The following ELOVL5 variants were observed in gnomAD, a reference collection of about 807,000 sequenced individuals.
ELOVL5 encodes very long chain fatty acid elongase 5.
Under a neutral mutation model 38.6 loss-of-function variants are expected in ELOVL5, and 8 were observed. The ratio of observed to expected loss-of-function variants is 0.21; its 90% CI spans 0.12 to 0.37. The LOEUF (loss-of-function observed/expected upper bound fraction) is 0.37, where lower values mean the gene tolerates loss of function less well. Ranked by LOEUF, ELOVL5 falls within the 10% of genes least tolerant of loss-of-function variation. The pLI is 1.00. For synonymous variants in ELOVL5, 127 were observed against 133.7 expected (o/e 0.95, Z 0.34); for missense variants, 280 against 367.8 (o/e 0.76, Z 1.95).
chr6:53,319,756 G>A (rs961267036), intron 1 of ELOVL5, among the ~76,000 whole-genome samples: 2 of 152,096 alleles, frequency 1.3e-5, no homozygotes, highest in Non-Finnish European at 2.9e-5. Context: ...GTGCTGGTTC[G>A]GTATAATGAG....
At chr6:53,297,222 C>T (rs1347554146) in intron 1 of ELOVL5, among the ~76,000 whole-genome samples, 1 of 152,166 alleles carries the variant, frequency 6.6e-6, no homozygotes, top group Non-Finnish European at 1.5e-5. Flanking sequence ...ACCTTTGCCC[C>T]TCAATAGTTA....
chr6:53,332,739 T>G (rs1161542029), intron 1 of ELOVL5, among the ~76,000 whole-genome samples: 4 of 152,216 alleles, frequency 2.6e-5, no homozygotes, highest in African/African-American at 9.6e-5. Context: ...AACTTTCCAT[T>G]TGCCTACCAT....
At chr6:53,303,016 C>G in intron 1 of ELOVL5, among the ~76,000 whole-genome samples, 1 of 152,170 alleles carries the variant, frequency 6.6e-6, no homozygotes. Context: ...CCATCCATCA[C>G]TTTTATCAGT....
chr6:53,346,565 G>A (rs1322388886), intron 1 of ELOVL5, among the ~76,000 whole-genome samples: 1 of 151,906 alleles, frequency 6.6e-6, no homozygotes. Flanking sequence ...TTAGCCTTTT[G>A]ATAACAGAAG....
intron 1 of ELOVL5, among the ~76,000 whole-genome samples, chr6:53,304,517 G>C (rs1581954462): frequency 6.6e-6 from 1 of 152,124 alleles, no homozygotes; most frequent in African/African-American, 2.4e-5. Flanking sequence ...AGGGTCATAG[G>C]ACAACAGCGG....
chr6:53,347,074 G>T (rs538125325), intron 1 of ELOVL5, among the ~76,000 whole-genome samples: 41 of 152,300 alleles, frequency 2.7e-4, no homozygotes, highest in Non-Finnish European at 1.2e-4. Flanking sequence ...GAAGTTACAA[G>T]ATATTTTTCT....
chr6:53,329,187 T>C (rs1045170546), intron 1 of ELOVL5, among the ~76,000 whole-genome samples: 4 of 130,480 alleles, frequency 3.1e-5, no homozygotes, highest in Non-Finnish European at 4.8e-5. Context: ...AACTAACTAC[T>C]ACTACTACTA....
chr6:53,332,964 A>G (rs1768872893), intron 1 of ELOVL5, among the ~76,000 whole-genome samples: 1 of 152,230 alleles, frequency 6.6e-6, no homozygotes, highest in Non-Finnish European at 1.5e-5. Context: ...TGGCTGAAGG[A>G]AGAAAAGCAG....
intron 1 of ELOVL5, among the ~76,000 whole-genome samples, chr6:53,309,649 A>G (rs977865790): frequency 1.6e-4 from 25 of 152,180 alleles, no homozygotes; most frequent in Non-Finnish European, 2.9e-5. Flanking sequence ...AAGGGATGGT[A>G]TGTCGCTTCT....
chr6:53,287,958 T>C (rs1213580750), intron 3 of ELOVL5: 1 of 1,534,300 alleles, frequency 6.5e-7, no homozygotes, highest in Non-Finnish European at 8.7e-7. Context: ...ACAAACACAA[T>C]TAGATCCTCT....
intron 1 of ELOVL5, among the ~76,000 whole-genome samples, chr6:53,296,226 GC>G (rs571826141): frequency 1.0e-3 from 154 of 151,834 alleles, no homozygotes; most frequent in African/African-American, 3.5e-3. Flanking sequence ...AAAAAAAGGG[GC>G]AAAAATCTCA....
rs1315954161 is a variant in ELOVL5, at chr6:53,278,558, C to A, written c.247-2302G>T. ...CACCCATAAATGGGGCAGGGGAATC[C>A]ATGTATAAAACACCTGTTGTCTTTG... is the stretch of plus-strand genomic sequence containing the variant. On this transcript the variant is annotated intron_variant, in intron 3 of 7. Transcript: ENST00000304434. Among the ~76,000 whole-genome samples, 7 of 152,254 alleles carry A rather than the reference C, an allele frequency of 4.6e-5. No homozygotes were observed. In the East Asian group the frequency reaches 9.6e-4, roughly 21 times the overall value.
chr6:53,269,375 A>G, intron 7 of ELOVL5, 105 bp from the exon 8 acceptor site: 1 of 840,636 alleles, frequency 1.2e-6, no homozygotes, highest in South Asian at 2.8e-5. Flanking sequence ...TCAAGATCAA[A>G]TCTTATCAAG....
chr6:53,335,861 G>A (rs750254788), intron 1 of ELOVL5, among the ~76,000 whole-genome samples: 7 of 152,228 alleles, frequency 4.6e-5, no homozygotes, highest in Admixed American at 6.5e-5. Flanking sequence ...AGCACCATCC[G>A]CGCTTCTACT....
chr6:53,345,526 C>A (rs941270511), intron 1 of ELOVL5, among the ~76,000 whole-genome samples: 9 of 63,226 alleles, frequency 1.4e-4, no homozygotes, highest in African/African-American at 2.8e-4. Flanking sequence ...AATCAGGAAA[C>A]CCTCTGGAAT....
intron 1 of ELOVL5, among the ~76,000 whole-genome samples, chr6:53,324,528 T>C (rs1036852377): frequency 1.3e-5 from 2 of 151,384 alleles, no homozygotes; most frequent in African/African-American, 4.9e-5. Flanking sequence ...ATAGGAAAAT[T>C]AGCTGGGTGT....
chr6:53,298,051 CTA>C (rs1283667620), intron 1 of ELOVL5, among the ~76,000 whole-genome samples: 1 of 152,216 alleles, frequency 6.6e-6, no homozygotes, highest in African/African-American at 2.4e-5. Context: ...TTGGCTGTGT[CTA>C]TTTTTTCAAC....
At chr6:53,326,835 T>G (rs1352340159) in intron 1 of ELOVL5, among the ~76,000 whole-genome samples, 1 of 152,016 alleles carries the variant, frequency 6.6e-6, no homozygotes, top group Non-Finnish European at 1.5e-5. Context: ...AAACCCAAGG[T>G]CTGCTTTCCC....
chr6:53,270,271 T>A (rs1424044600), intron 7 of ELOVL5, among the ~76,000 whole-genome samples: 2 of 152,236 alleles, frequency 1.3e-5, no homozygotes, highest in Non-Finnish European at 2.9e-5. Context: ...TTCAGGGTAG[T>A]GAACTGAGAG....
Sources: allele counts gnomAD v4.1 joint callset (sites outside exome capture counted in the v4.1 genomes callset), GRCh38; gene constraint gnomAD v4.1.1; transcripts MANE v1.5; gene names NCBI Gene and HGNC (gene_info 2026-07-23, HGNC 2026-07-21).